The following TSPAN18 variants were observed in gnomAD, a reference collection of about 807,000 sequenced individuals.
The protein encoded by TSPAN18 is tetraspanin-18.
In TSPAN18, 14 loss-of-function variants were observed where a neutral mutation model predicts 27.3. The ratio of observed to expected loss-of-function variants is 0.51; its 90% CI spans 0.34 to 0.80. TSPAN18 has a LOEUF of 0.80. TSPAN18 is among the 30% of genes least tolerant of loss of function. TSPAN18 has a pLI of 0.01. For synonymous variants in TSPAN18, 143 were observed against 136.5 expected, an observed-to-expected ratio of 1.05 and a Z score of -0.33; for missense variants, 268 against 323.9, an observed-to-expected ratio of 0.83 and a Z score of 1.32.
intron 2 of TSPAN18, among the ~76,000 whole-genome samples, chr11:44,767,685 C>T (rs369869241): frequency 3.9e-5 from 6 of 152,298 alleles, no homozygotes; most frequent in East Asian, 1.9e-4. Context: ...TTGCCAAATT[C>T]GAGATCATGG....
At chr11:44,864,278 C>T (rs1033294929) in intron 3 of TSPAN18, among the ~76,000 whole-genome samples, 3 of 116,584 alleles carry the variant, frequency 2.6e-5, no homozygotes, top group African/African-American at 6.5e-5. Context: ...CTGAGTGAGA[C>T]TCCGTCTCAA....
chr11:44,931,121 A>G lies in TSPAN18; in HGVS notation c.*1943A>G. Reference sequence around the variant, plus strand: ...CCACCAGGTCTCTGAGCTCAGTGTTACCAAATTCGCCCTTTAACAGCTTGC... The same window carrying G: ...CCACCAGGTCTCTGAGCTCAGTGTTGCCAAATTCGCCCTTTAACAGCTTGC... On this transcript the variant is annotated 3_prime_UTR_variant, in exon 10 of 10. Coordinates refer to ENST00000520358, the MANE Select transcript of TSPAN18 (RefSeq NM_130783.5). 2.8e-6 allele frequency: 1 copy of G among 360,748 alleles called. No individual in the cohort carries two copies. The highest frequency in any genetic ancestry group is 3.5e-5 in the Admixed American group (1 of 28,246). 22.3% of individuals were successfully genotyped at this position (360,748 alleles called of 1,614,324 possible).
intron 2 of TSPAN18, among the ~76,000 whole-genome samples, chr11:44,852,205 T>C (rs985007160): frequency 2.0e-5 from 3 of 152,230 alleles, no homozygotes; most frequent in South Asian, 2.1e-4. Flanking sequence ...TTCTTGTTTA[T>C]AACAACAACA....
At chr11:44,794,709 C>G (rs185127815) in intron 2 of TSPAN18, among the ~76,000 whole-genome samples, 1 of 151,918 alleles carries the variant, frequency 6.6e-6, no homozygotes, top group Admixed American at 6.5e-5. Context: ...TGTTCCGAGA[C>G]GTAAGTTCAA....
intron 4 of TSPAN18, 173 bp from the exon 5 acceptor site, chr11:44,909,532 A>C (rs1859628185): frequency 1.7e-6 from 1 of 604,346 alleles, no homozygotes. Context: ...ATTAAAAGCA[A>C]TTCAAGGTGC....
At chr11:44,918,350 G>A (rs1859991712) in intron 6 of TSPAN18, among the ~76,000 whole-genome samples, 3 of 152,180 alleles carry the variant, frequency 2.0e-5, no homozygotes, top group African/African-American at 7.2e-5. Context: ...TAGTGAGACA[G>A]TCAGAATAGT....
intron 1 of TSPAN18, chr11:44,736,825 C>G (rs759926675): frequency 7.9e-5 from 12 of 152,216 alleles, no homozygotes; most frequent in Admixed American, 2.0e-4. Context: ...CACTTAAATT[C>G]TCTCTGACTC....
chr11:44,819,919 G>A (rs928665906), intron 2 of TSPAN18, among the ~76,000 whole-genome samples: 5 of 152,128 alleles, frequency 3.3e-5, no homozygotes, highest in African/African-American at 1.2e-4. Context: ...TGTCTGGCAA[G>A]GGGAAAGGGA....
intron 8 of TSPAN18, among the ~76,000 whole-genome samples, chr11:44,925,365 C>T (rs1404896934): frequency 3.3e-5 from 5 of 152,180 alleles, no homozygotes; most frequent in Non-Finnish European, 7.3e-5. Flanking sequence ...GGACCCAGAT[C>T]GTCGTGCCGG....
chr11:44,919,524 G>T (rs1340196984), intron 7 of TSPAN18: 4 of 618,482 alleles, frequency 6.5e-6, no homozygotes, highest in East Asian at 2.8e-5. Flanking sequence ...CCTGTCTTGG[G>T]TCCCCAAGCA....
intron 2 of TSPAN18, among the ~76,000 whole-genome samples, chr11:44,798,406 C>A (rs1856400217): frequency 1.3e-5 from 2 of 152,182 alleles, no homozygotes; most frequent in South Asian, 4.1e-4. Flanking sequence ...GATTAAGTCG[C>A]TTGTCCAAGG....
At chr11:44,879,643 G>A (rs898850318) in intron 3 of TSPAN18, among the ~76,000 whole-genome samples, 10 of 152,242 alleles carry the variant, frequency 6.6e-5, no homozygotes, top group East Asian at 5.8e-4. Flanking sequence ...GGAGCTGGCT[G>A]GAACAGGGTG....
At chr11:44,878,487 A>T (rs573395870) in intron 3 of TSPAN18, among the ~76,000 whole-genome samples, 46 of 152,236 alleles carry the variant, frequency 3.0e-4, no homozygotes, top group African/African-American at 1.1e-3. Flanking sequence ...ACTAACATTT[A>T]TTATGCAGTA....
At chr11:44,838,038 G>T (rs890298331) in intron 2 of TSPAN18, among the ~76,000 whole-genome samples, 1 of 152,054 alleles carries the variant, frequency 6.6e-6, no homozygotes, top group South Asian at 2.1e-4. Flanking sequence ...TGGGTGGTGG[G>T]GTACAAGAAT....
At chr11:44,808,567 C>T (rs1856650287) in intron 2 of TSPAN18, among the ~76,000 whole-genome samples, 1 of 152,136 alleles carries the variant, frequency 6.6e-6, no homozygotes, top group South Asian at 2.1e-4. Context: ...GTGACATGTA[C>T]AAATACATCC....
At chr11:44,843,701 C>T (rs372592357) in intron 2 of TSPAN18, among the ~76,000 whole-genome samples, 11 of 152,264 alleles carry the variant, frequency 7.2e-5, no homozygotes, top group African/African-American at 2.2e-4. Flanking sequence ...CCCCTAGGTG[C>T]GCATTCTCTT....
intron 8 of TSPAN18, 72 bp downstream of exon 8, chr11:44,920,071 G>GC: frequency 6.9e-7 from 1 of 1,444,184 alleles, no homozygotes; most frequent in Non-Finnish European, 9.4e-7. Context: ...GGTGGGAGGC[G>GC]CTATCACCCC....
At chr11:44,767,608 T>TC (rs1367760406) in intron 2 of TSPAN18, among the ~76,000 whole-genome samples, 1 of 152,236 alleles carries the variant, frequency 6.6e-6, no homozygotes, top group African/African-American at 2.4e-5. Context: ...TTCTATGGAT[T>TC]CCCCAGGCTT....
intron 2 of TSPAN18, among the ~76,000 whole-genome samples, chr11:44,839,903 A>G (rs577559261): frequency 6.6e-6 from 1 of 152,088 alleles, no homozygotes; most frequent in African/African-American, 2.4e-5. Context: ...TCCCAAGCAC[A>G]TGGCTTGTTC....
Sources: gnomAD v4.1 joint callset for allele counts (sites outside exome capture counted in the v4.1 genomes callset) on GRCh38, gnomAD v4.1.1 for gene constraint, MANE v1.5 for transcripts, NCBI Gene and HGNC (gene_info 2026-07-23, HGNC 2026-07-21) for gene names.